PPM1H: variants seen among roughly 807,000 people sequenced by gnomAD.
The protein encoded by PPM1H is protein phosphatase, Mg2+/Mn2+ dependent 1H.
In PPM1H, 27 loss-of-function variants were observed where a neutral mutation model predicts 54.9. That is an observed-to-expected ratio of 0.49 (90% CI 0.36 to 0.68). PPM1H has a LOEUF of 0.68. Among genes scored for constraint, PPM1H ranks in the 30% least tolerant of loss-of-function variants. The pLI is 0.00. For missense variants in PPM1H, 596 were observed against 667.8 expected, an observed-to-expected ratio of 0.89 and a Z score of 1.19; for synonymous variants, 305 against 270.8, an observed-to-expected ratio of 1.13 and a Z score of -1.24.
At chr12:62,855,338 C>T (rs183985754) in intron 1 of PPM1H, among the ~76,000 whole-genome samples, 1 of 152,052 alleles carries the variant, frequency 6.6e-6, no homozygotes, top group African/African-American at 2.4e-5. Flanking sequence ...TCAGACAGTA[C>T]GTCCAACAAA....
At chr12:62,890,539 T>C (rs1309301380) in intron 1 of PPM1H, among the ~76,000 whole-genome samples, 3 of 152,124 alleles carry the variant, frequency 2.0e-5, no homozygotes, top group Non-Finnish European at 4.4e-5. Context: ...TTCCTGAACA[T>C]TTACCATCTG....
chr12:62,770,884 A>G (rs1470927089), intron 4 of PPM1H, among the ~76,000 whole-genome samples: 1 of 152,166 alleles, frequency 6.6e-6, no homozygotes, highest in African/African-American at 2.4e-5. Flanking sequence ...ACTGGAAAAG[A>G]AAAGCAAGGG....
chr12:62,735,378 A>AT (rs948995706), intron 5 of PPM1H, among the ~76,000 whole-genome samples: 7 of 150,318 alleles, frequency 4.7e-5, no homozygotes, highest in Admixed American at 1.3e-4. Context: ...TGCCTGGCTA[A>AT]TTTTTTTTTG....
chr12:62,883,767 T>A (rs895787299), intron 1 of PPM1H, among the ~76,000 whole-genome samples: 8 of 152,050 alleles, frequency 5.3e-5, no homozygotes, highest in Non-Finnish European at 1.0e-4. Flanking sequence ...CAGTTTGAGT[T>A]TTCAAAAATA....
rs775800091 is a variant in PPM1H at position 62,720,309 on chromosome 12, G to GA, written c.955-21dup. On this transcript the variant is annotated intron_variant, in intron 5 of 9. Transcript: ENST00000228705. ...GAATGCCTAATAGCAAAAAGAAAAA[G>GA]AAAAAACACACACATACACGTATTT... The GA allele has an allele frequency of 1.3e-6, 2 of 1,535,728 alleles. No homozygotes were observed. Among genetic ancestry groups the GA allele is most frequent in the Non-Finnish European group, 9.0e-7 (1 of 1,111,932 alleles).
At chr12:62,932,792 G>A (rs1034212033) in intron 1 of PPM1H, among the ~76,000 whole-genome samples, 1 of 151,446 alleles carries the variant, frequency 6.6e-6, no homozygotes, top group African/African-American at 2.4e-5. Context: ...GCGCCACCAC[G>A]CCCGGCTAAT....
chr12:62,917,788 A>T (rs1278310799), intron 1 of PPM1H, among the ~76,000 whole-genome samples: 1 of 151,844 alleles, frequency 6.6e-6, no homozygotes, highest in East Asian at 1.9e-4. Flanking sequence ...CTCATTCTTC[A>T]TGCTGTAAAG....
chr12:62,667,230 C>G lies in PPM1H; in HGVS notation c.1345G>C (p.Ala449Pro), dbSNP rs1449701913. Residue 449 changes from alanine to proline, a missense_variant, in exon 9 of 10, where the codon GCA becomes CCA. Physicochemically the swap from Ala to Pro is conservative, Grantham distance 27 (BLOSUM62 -1). This residue lies in a region of PPM1H where 208 missense variants were observed against 259.5 expected (regional missense o/e 0.80). Coordinates refer to ENST00000228705, the MANE Select transcript of PPM1H (RefSeq NM_020700.2). ...GGAAGAAACTGAGTGATTGCTTCTG[C>G]TACTTCTTCATTTGATAAAACGTCC... ...LWDVLSNEEV[A>P]EAITQFLPNC... 1 of 1,600,536 alleles carries G rather than the reference C, an allele frequency of 6.2e-7. No individual in the cohort carries two copies. Among genetic ancestry groups the G allele is most frequent in the Admixed American group, 1.7e-5 (1 of 59,990 alleles).
chr12:62,768,465 C>A (rs2076557867), intron 4 of PPM1H, among the ~76,000 whole-genome samples: 1 of 152,018 alleles, frequency 6.6e-6, no homozygotes, highest in Non-Finnish European at 1.5e-5. Context: ...ACCAACCTGG[C>A]CAACATAGTG....
At chr12:62,820,983 G>A (rs973143999) in intron 2 of PPM1H, among the ~76,000 whole-genome samples, 1 of 152,172 alleles carries the variant, frequency 6.6e-6, no homozygotes, top group Non-Finnish European at 1.5e-5. Flanking sequence ...CAAGCTAAAG[G>A]AGGATGCTCG....
intron 1 of PPM1H, among the ~76,000 whole-genome samples, chr12:62,922,738 G>A (rs553443135): frequency 9.2e-5 from 14 of 152,262 alleles, no homozygotes; most frequent in South Asian, 4.1e-4. Context: ...GCAGCTGAGC[G>A]GGTACTCTGC....
chr12:62,751,783 T>C (rs2076443823), intron 4 of PPM1H, among the ~76,000 whole-genome samples: 1 of 152,358 alleles, frequency 6.6e-6, no homozygotes, highest in African/African-American at 2.4e-5. Flanking sequence ...GAGAATGTCT[T>C]GCAGTGTGCA....
At chr12:62,725,050 G>A (rs1187616960) in intron 5 of PPM1H, among the ~76,000 whole-genome samples, 1 of 152,124 alleles carries the variant, frequency 6.6e-6, no homozygotes, top group Admixed American at 6.6e-5. Context: ...AAAGCTAAGG[G>A]TGCAGAAGTT....
chr12:62,813,766 C>T (rs1408818125), intron 2 of PPM1H, among the ~76,000 whole-genome samples: 1 of 152,120 alleles, frequency 6.6e-6, no homozygotes, highest in Non-Finnish European at 1.5e-5. Flanking sequence ...ATTATACTCG[C>T]TATTGTTAAT....
rs117787286 is a variant in PPM1H at position 62,733,696 on chromosome 12, G to A, written c.954+3806C>T. 3.1e-4 allele frequency among the ~76,000 whole-genome samples: 47 copies of A among 152,296 alleles called. No homozygotes were observed. The East Asian group carries it at 8.9e-3, about 29-fold the overall frequency. On this transcript the variant is annotated intron_variant, in intron 5 of 9. Coordinates refer to ENST00000228705, the MANE Select transcript of PPM1H (RefSeq NM_020700.2). ...TGTTCTGAGTATTTAAACTCCTGAT[G>A]TCTGAGGAGAAATGTTTTTAGTTAT...
At chr12:62,924,695 T>G (rs774330373) in intron 1 of PPM1H, among the ~76,000 whole-genome samples, 1 of 152,158 alleles carries the variant, frequency 6.6e-6, no homozygotes, top group Non-Finnish European at 1.5e-5. Context: ...CGAGATGACA[T>G]TTGATAACAA....
At chr12:62,695,330 T>G (rs1845375) in intron 6 of PPM1H, among the ~76,000 whole-genome samples, 53,433 of 151,884 alleles carry the variant, frequency 0.35, 11,068 homozygotes, top group East Asian at 0.6. Context: ...GTGCTCTCAG[T>G]CCCTCAGGAT....
At chr12:62,666,942 G>A (rs1179012129) in intron 9 of PPM1H, among the ~76,000 whole-genome samples, 1 of 152,134 alleles carries the variant, frequency 6.6e-6, no homozygotes, top group African/African-American at 2.4e-5. Context: ...TAGAACTCCT[G>A]ACCTCATGAT....
intron 6 of PPM1H, among the ~76,000 whole-genome samples, chr12:62,700,131 T>C (rs1283081816): frequency 6.6e-6 from 1 of 151,942 alleles, no homozygotes; most frequent in African/African-American, 2.4e-5. Context: ...TAGGTTCAGA[T>C]TGCTTTTTCA....
Sources: allele counts gnomAD v4.1 joint callset (sites outside exome capture counted in the v4.1 genomes callset), GRCh38; gene constraint gnomAD v4.1.1; regional missense constraint gnomAD v4.1.1; transcripts MANE v1.5; gene names NCBI Gene and HGNC (gene_info 2026-07-23, HGNC 2026-07-21).